Variants in DLG2 observed in about 807,000 individuals in gnomAD.
DLG2 encodes disks large homolog 2.
A neutral mutation model predicts 132.5 loss-of-function variants in DLG2; 45 were observed. The ratio of observed to expected loss-of-function variants is 0.34; its 90% confidence interval spans 0.27 to 0.44. The LOEUF (loss-of-function observed/expected upper bound fraction) is 0.44. Among genes scored for constraint, DLG2 ranks in the 20% least tolerant of loss-of-function variants. The pLI is 1.00. For missense variants in DLG2, 1,045 were observed against 1,196.9 expected, an observed-to-expected ratio of 0.87 and a Z score of 1.87; for synonymous variants, 424 against 419.6, an observed-to-expected ratio of 1.01 and a Z score of -0.13.
intron 7 of DLG2, among the ~76,000 whole-genome samples, chr11:84,298,070 C>A (rs1306790860): frequency 6.6e-6 from 1 of 152,020 alleles, no homozygotes; most frequent in Non-Finnish European, 1.5e-5. Flanking sequence ...AATAGCACAC[C>A]CCTGTCTGAA....
At chr11:84,518,013 G>A (rs2099278978) in intron 7 of DLG2, among the ~76,000 whole-genome samples, 1 of 149,302 alleles carries the variant, frequency 6.7e-6, no homozygotes, top group Admixed American at 6.7e-5. Flanking sequence ...GTGGGAGGAG[G>A]AGTTGTGGAG....
chr11:84,187,828 T>C (rs761588466), intron 8 of DLG2, among the ~76,000 whole-genome samples: 1 of 152,062 alleles, frequency 6.6e-6, no homozygotes, highest in East Asian at 1.9e-4. Context: ...CCTGGCTAAT[T>C]TATCTGACTG....
intron 3 of DLG2, among the ~76,000 whole-genome samples, chr11:85,346,188 CTT>C (rs370488898): frequency 1.4e-5 from 2 of 144,956 alleles, no homozygotes; most frequent in Admixed American, 6.9e-5. Context: ...AATTTTCTTT[CTT>C]TTTTTTTTTT....
intron 8 of DLG2, among the ~76,000 whole-genome samples, chr11:84,172,976 C>T (rs146249013): frequency 5.9e-5 from 9 of 152,010 alleles, no homozygotes; most frequent in East Asian, 1.9e-4. Flanking sequence ...AGAAAGCACA[C>T]GTTTTTTTGT....
intron 6 of DLG2, among the ~76,000 whole-genome samples, chr11:84,746,789 T>C (rs923880267): frequency 6.6e-6 from 1 of 152,166 alleles, no homozygotes; most frequent in African/African-American, 2.4e-5. Flanking sequence ...TCTAAAGAGT[T>C]CGGGCCCACT....
At position 84,605,677 on chromosome 11, in the gene DLG2, C is replaced by CA. The variant is rs994862686; in HGVS notation, c.358-70947dup. The stretch of plus-strand genomic sequence containing the variant: ...ATCTGTAATACCATGTAATCCTCTG[C>CA]AAAAAATCCCAGAACTCCTGTCTAT... On this transcript the variant is annotated intron_variant, in intron 6 of 27. Transcript: ENST00000376104. Among the ~76,000 whole-genome samples, 67 of 151,716 alleles carry CA rather than the reference C, an allele frequency of 4.4e-4. 1 individual carries two copies. The highest frequency in any genetic ancestry group is 3.7e-3 in the Admixed American group (57 of 15,204).
intron 3 of DLG2, among the ~76,000 whole-genome samples, chr11:85,392,955 C>T (rs989284938): frequency 1.5e-4 from 23 of 152,168 alleles, no homozygotes; most frequent in African/African-American, 4.6e-4. Context: ...GCTGATACAA[C>T]AAAAACAAAG....
At chr11:84,019,679 T>G (rs1202509125) in intron 11 of DLG2, among the ~76,000 whole-genome samples, 4 of 151,974 alleles carry the variant, frequency 2.6e-5, no homozygotes, top group Non-Finnish European at 5.9e-5. Context: ...AAATGGAAAA[T>G]TTGGACACAG....
At chr11:85,246,702 G>A (rs2076150492) in intron 4 of DLG2, among the ~76,000 whole-genome samples, 1 of 151,910 alleles carries the variant, frequency 6.6e-6, no homozygotes, top group South Asian at 2.1e-4. Context: ...TTTATTAGTA[G>A]TCATATAATT....
chr11:85,198,853 G>C (rs1347151927), intron 4 of DLG2, among the ~76,000 whole-genome samples: 1 of 151,988 alleles, frequency 6.6e-6, no homozygotes, highest in South Asian at 2.1e-4. Flanking sequence ...GGATCCAGTG[G>C]AACTTTTCAT....
At chr11:83,532,846 T>TGAC in intron 20 of DLG2, 63 bp from the exon 21 acceptor site, 2 of 1,391,904 alleles carry the variant, frequency 1.4e-6, no homozygotes, top group East Asian at 4.6e-5. Flanking sequence ...AAGTTCCATA[T>TGAC]TAAGTGAAGA....
chr11:84,422,282 A>G (rs1261108026), intron 7 of DLG2, among the ~76,000 whole-genome samples: 1 of 152,162 alleles, frequency 6.6e-6, no homozygotes, highest in East Asian at 1.9e-4. Context: ...TAGTATCCCT[A>G]TTTTACAGAT....
chr11:83,707,636 A>T (rs1175060577), intron 18 of DLG2, among the ~76,000 whole-genome samples: 1 of 152,224 alleles, frequency 6.6e-6, no homozygotes, highest in East Asian at 1.9e-4. Flanking sequence ...GTGCCACTGC[A>T]CTTCAGCCTG....
intron 5 of DLG2, among the ~76,000 whole-genome samples, chr11:85,134,178 T>G (rs2152417357): frequency 6.6e-6 from 1 of 151,704 alleles, no homozygotes; most frequent in South Asian, 2.1e-4. Context: ...CAAAAATAAA[T>G]GTCTAGGGAC....
chr11:85,495,384 T>C (rs150508917), intron 3 of DLG2, among the ~76,000 whole-genome samples: 111 of 152,220 alleles, frequency 7.3e-4, no homozygotes, highest in African/African-American at 2.6e-3. Flanking sequence ...AATCTATCCA[T>C]CTGATGAAGG....
intron 6 of DLG2, among the ~76,000 whole-genome samples, chr11:84,750,764 A>C (rs926114573): frequency 2.0e-5 from 3 of 152,172 alleles, no homozygotes; most frequent in Non-Finnish European, 4.4e-5. Flanking sequence ...TAGAAAGTCA[A>C]GGATTTCAAA....
At chr11:85,545,034 G>C (rs2076219710) in intron 3 of DLG2, among the ~76,000 whole-genome samples, 1 of 152,286 alleles carries the variant, frequency 6.6e-6, no homozygotes. Flanking sequence ...ATGTTGAATA[G>C]GAGTGGTGAA....
intron 9 of DLG2, among the ~76,000 whole-genome samples, chr11:84,148,810 G>T (rs1204159775): frequency 2.6e-5 from 4 of 152,040 alleles, no homozygotes. Context: ...CTTCACGGTG[G>T]CTGAAGTAAT....
chr11:83,716,141 T>A (rs952083602), intron 18 of DLG2, among the ~76,000 whole-genome samples: 1 of 152,228 alleles, frequency 6.6e-6, no homozygotes, highest in African/African-American at 2.4e-5. Flanking sequence ...TAAAACTCCA[T>A]GAGAGTCCTA....
Sources: allele counts gnomAD v4.1 joint callset (sites outside exome capture counted in the v4.1 genomes callset), GRCh38; gene constraint gnomAD v4.1.1; transcripts MANE v1.5; gene names NCBI Gene and HGNC (gene_info 2026-07-23, HGNC 2026-07-21).